MUC5AC: variants seen among roughly 807,000 people sequenced by gnomAD.
MUC5AC encodes the protein mucin 5AC, oligomeric mucus/gel-forming.
A neutral mutation model predicts 169.7 loss-of-function variants in MUC5AC; 158 were observed. The observed-to-expected ratio is 0.93, with a 90% CI of 0.82 to 1.06. The LOEUF is 1.06. Among genes scored for constraint, MUC5AC ranks in the 50% least tolerant of loss-of-function variants. The pLI is 0.00. For synonymous variants in MUC5AC, 1,975 were observed against 1,237.0 expected, an observed-to-expected ratio of 1.60 and a Z score of -12.52; for missense variants, 4,359 against 3,089.9, an observed-to-expected ratio of 1.41 and a Z score of -9.74.
At chr11:1,175,969 AACGCTCACACCCACTCATGGAC>A (rs1258055845) in intron 19 of MUC5AC, among the ~76,000 whole-genome samples, 160 bp from the exon 20 acceptor site, 1 of 111,150 alleles carries the variant, frequency 9.0e-6, no homozygotes, top group African/African-American at 3.6e-5. Flanking sequence ...CCAGTTATGC[AACGCTCACACCCACTCATGGAC>A]ACGCTCACAC....
In MUC5AC at chr11:1,192,348, T is replaced by C. The variant is rs201204807; in HGVS notation, c.14203T>C (p.Ser4735Pro). The C allele has an allele frequency of 7.3e-5, 56 of 764,948 alleles. No individual in the cohort carries two copies. Among genetic ancestry groups the C allele is most frequent in the Non-Finnish European group, 1.3e-4 (54 of 417,886 alleles). The allele number at this position is 764,948 out of a possible 1,614,324, so 47.4% of individuals were successfully genotyped here. A position where few individuals can be genotyped will look rare whatever the true frequency, so the allele number is the denominator to read the frequency against. The change falls in exon 31 of 49, where the codon TCT becomes CCT. Residue 4735 changes from serine to proline, a missense_variant. Ser to Pro is a moderately conservative substitution (Grantham distance 74). Transcript: ENST00000621226. ...CETPRGCPVT[S>P]VTPYGTSPTN... ...GACCCCCAGAGGCTGCCCGGTGACCTCTGTGACCCCATATGGGACTTCTCC... is the reference window on the plus strand; with the variant it reads ...GACCCCCAGAGGCTGCCCGGTGACCCCTGTGACCCCATATGGGACTTCTCC...
chr11:1,197,925 C>G lies in MUC5AC; in HGVS notation c.16056C>G (p.Pro5352=), dbSNP rs35915689. 0.16 allele frequency: 115,167 copies of G among 728,858 alleles called. 10,839 individuals carry two copies. The highest frequency in any genetic ancestry group is 0.19 in the Non-Finnish European group (77,864 of 401,202). The allele number at this position is 728,858 out of a possible 1,614,324, so 45.1% of individuals were successfully genotyped here. The part of the protein sequence containing the change: ...YSCACNTSRC[P]APVGCPEGAR... ...CAGCCTGCAACACCAGCCGCTGCCC[C>G]GCGCCCGTGGGCTGTCCTGAGGGCG... The change falls in exon 42 of 49, where the codon CCC becomes CCG. Residue 5352 remains proline (P), a synonymous_variant. Transcript: ENST00000621226.
At chr11:1,169,098 A>T in intron 15 of MUC5AC, 72 bp downstream of exon 15, 4 of 1,465,342 alleles carry the variant, frequency 2.7e-6, no homozygotes, top group Non-Finnish European at 3.6e-6. Flanking sequence ...TTGGCACTGC[A>T]GGCAGCGAGG....
chr11:1,190,107 G>A lies in MUC5AC; in HGVS notation c.11962G>A (p.Glu3988Lys), dbSNP rs1295246124. Reference sequence around the variant, plus strand: ...CTACAACAACATCATCAGGAGTGGGGAAAAAATCTGCCGCCGACCTGAGGA... The same window carrying A: ...CTACAACAACATCATCAGGAGTGGGAAAAAAATCTGCCGCCGACCTGAGGA... Reference protein sequence around the residue: ...ETYNNIIRSGEKICRRPEEIT... With the variant: ...ETYNNIIRSGKKICRRPEEIT... Residue 3988 changes from glutamate (E) to lysine (K), a missense_variant, in exon 31 of 49, where the codon GAA becomes AAA. By Grantham distance (56) the Glu-to-Lys change is moderately conservative. Transcript: ENST00000621226. The A allele has an allele frequency of 5.3e-5, 40 of 761,606 alleles. No individual in the cohort carries two copies. Among genetic ancestry groups the A allele is most frequent in the Non-Finnish European group, 8.4e-5 (35 of 416,214 alleles). 47.2% of individuals were successfully genotyped at this position (761,606 alleles called of 1,614,324 possible). A position where few individuals can be genotyped will look rare whatever the true frequency, so the allele number is the denominator to read the frequency against.
chr11:1,167,871 C>T lies in MUC5AC; in HGVS notation c.1387-6C>T, dbSNP rs759388155. ...GTGAGGACCCCTGGTGTGTCGTGTTCCGCAGCCCTGTGACAGCAGTGCCTT... is the reference window on the plus strand; with the variant it reads ...GTGAGGACCCCTGGTGTGTCGTGTTTCGCAGCCCTGTGACAGCAGTGCCTT... On this transcript the variant is annotated splice_region_variant and splice_polypyrimidine_tract_variant and intron_variant, in intron 11 of 48. Coordinates refer to ENST00000621226, the MANE Select transcript of MUC5AC (RefSeq NM_001304359.2). 1 of 1,549,704 alleles carries T rather than the reference C, an allele frequency of 6.5e-7. No homozygotes were observed. The highest frequency in any genetic ancestry group is 1.2e-5 in the South Asian group (1 of 84,040).
Position 1,195,129 on chromosome 11 carries a change from A to C in MUC5AC, c.15308A>C (p.His5103Pro), listed in dbSNP as rs772640686. 7 of 762,380 alleles carry C rather than the reference A, an allele frequency of 9.2e-6. No individual in the cohort carries two copies. The highest frequency in any genetic ancestry group is 1.7e-5 in the Non-Finnish European group (7 of 417,060). 47.2% of individuals were successfully genotyped at this position (762,380 alleles called of 1,614,324 possible). Residue 5103 changes from histidine (H) to proline (P), a missense_variant, in exon 36 of 49, where the codon CAC becomes CCC. His to Pro is a moderately conservative substitution (Grantham distance 77). Transcript: ENST00000621226. ...NVSIPDQPAC[H>P]RPHPTPTTVG... ...AGCATACCCGACCAGCCAGCCTGCC[A>C]CCGGCCTCACCCGACGCCCACCACG...
chr11:1,159,683 G>T (rs1171587227), intron 1 of MUC5AC, among the ~76,000 whole-genome samples: 1 of 145,466 alleles, frequency 6.9e-6, no homozygotes, highest in Admixed American at 6.7e-5. Context: ...CCACCATGCT[G>T]GTTCTGTGCG....
intron 12 of MUC5AC, 107 bp from the exon 13 acceptor site, chr11:1,168,376 T>C: frequency 9.2e-7 from 1 of 1,084,758 alleles, no homozygotes; most frequent in Non-Finnish European, 1.4e-6. Flanking sequence ...GAGCCGCAGC[T>C]GCAGGGAAAG....
chr11:1,165,861 G>T (rs1181130690), intron 11 of MUC5AC, 101 bp downstream of exon 11: 1 of 1,540,172 alleles, frequency 6.5e-7, no homozygotes. Context: ...CTGCCCCTGG[G>T]GTCACCCTTG....
intron 15 of MUC5AC, among the ~76,000 whole-genome samples, chr11:1,171,526 C>T (rs1860536009): frequency 7.2e-6 from 1 of 137,954 alleles, no homozygotes; most frequent in Non-Finnish European, 1.6e-5. Context: ...CTCACTCACC[C>T]ACTCACCCAC....
At position 1,197,472 on chromosome 11, in the gene MUC5AC, G is replaced by A. The variant is rs1234909702; in HGVS notation, c.15866G>A (p.Gly5289Asp). Residue 5289 changes from glycine to aspartate, a missense_variant, in exon 41 of 49, where the codon GGC (glycine) becomes GAC (aspartate). Physicochemically the swap from Gly to Asp is moderately conservative, Grantham distance 94 (BLOSUM62 -1). Coordinates refer to ENST00000621226, the MANE Select transcript of MUC5AC (RefSeq NM_001304359.2). Reference sequence around the variant, plus strand: ...CCTCAGTCCCCTTCCTTGCAGGTGGGCCACACCGTCGGCATGGACTGCCAG... The same window carrying A: ...CCTCAGTCCCCTTCCTTGCAGGTGGACCACACCGTCGGCATGGACTGCCAG... ...LGPHGEPVKV[G>D]HTVGMDCQEC... The A allele has an allele frequency of 2.8e-6, 2 of 710,970 alleles. No homozygotes were observed. The highest frequency in any genetic ancestry group is 2.9e-5 in the South Asian group (2 of 68,010). The allele number at this position is 710,970 out of a possible 1,614,324, so 44.0% of individuals were successfully genotyped here.
intron 31 of MUC5AC, 111 bp downstream of exon 31, chr11:1,192,636 C>T: frequency 1.4e-6 from 1 of 696,780 alleles, no homozygotes. Flanking sequence ...GTGGCACAGG[C>T]TCATTGTCAC....
intron 9 of MUC5AC, 106 bp downstream of exon 9, chr11:1,164,638 GC>G (rs1413716513): frequency 1.4e-6 from 2 of 1,424,604 alleles, no homozygotes; most frequent in Non-Finnish European, 1.8e-6. Context: ...AGTGTCCCGG[GC>G]CCCTGAGGCT....
At chr11:1,173,014 T>C (rs1860584564) in intron 16 of MUC5AC, among the ~76,000 whole-genome samples, 1 of 146,370 alleles carries the variant, frequency 6.8e-6, no homozygotes. Context: ...GTTCACCCAT[T>C]CGCCCCCCCA....
At chr11:1,167,783 T>C (rs1264009314) in intron 11 of MUC5AC, 94 bp from the exon 12 acceptor site, 5 of 1,061,730 alleles carry the variant, frequency 4.7e-6, no homozygotes, top group Non-Finnish European at 7.0e-6. Flanking sequence ...GGTTTTCTAG[T>C]GAGGGAGAGG....
intron 32 of MUC5AC, 81 bp downstream of exon 32, chr11:1,193,063 T>G (rs1341675791): frequency 4.9e-6 from 3 of 612,038 alleles, no homozygotes; most frequent in Non-Finnish European, 8.9e-6. Flanking sequence ...AGTCTTCAGC[T>G]GCAAAGTCTT....
chr11:1,165,693 C>G lies in MUC5AC; in HGVS notation c.1319C>G (p.Ala440Gly). ...GGTACCTGCTCTGTGCTTGGAGGTGCCCACTTCTCAACGTTTGACGGGAAG... is the reference window on the plus strand; with the variant it reads ...GGTACCTGCTCTGTGCTTGGAGGTGGCCACTTCTCAACGTTTGACGGGAAG... ...CPGTCSVLGG[A>G]HFSTFDGKQY... is the part of the protein sequence containing the mutation. Residue 440 changes from alanine (A) to glycine (G), a missense_variant, in exon 11 of 49, where the codon GCC (alanine) becomes GGC (glycine). By Grantham distance (60) the Ala-to-Gly change is moderately conservative. Coordinates refer to ENST00000621226, the MANE Select transcript of MUC5AC (RefSeq NM_001304359.2). 6.2e-7 allele frequency: 1 copy of G among 1,612,488 alleles called. No homozygotes were observed. The highest frequency in any genetic ancestry group is 2.2e-5 in the East Asian group (1 of 44,884).
intron 12 of MUC5AC, 42 bp downstream of exon 12, chr11:1,168,029 G>A: frequency 6.7e-7 from 1 of 1,497,660 alleles, no homozygotes; most frequent in Non-Finnish European, 9.1e-7. Flanking sequence ...AAGAGGGAAG[G>A]GGCCTGTCTC....
At position 1,165,370 on chromosome 11, in the gene MUC5AC, G is replaced by A. The variant is rs769551658; in HGVS notation, c.1198G>A (p.Gly400Arg). The A allele has an allele frequency of 4.1e-5, 66 of 1,612,330 alleles. No individual in the cohort carries two copies. Among genetic ancestry groups the A allele is most frequent in the Non-Finnish European group, 5.6e-5 (66 of 1,179,726 alleles). ...GTCAAAGTGTGCCTGCGTCTACAACGGGGCTGCCTATGCCCCAGGGGCCAC... is the reference window on the plus strand; with the variant it reads ...GTCAAAGTGTGCCTGCGTCTACAACAGGGCTGCCTATGCCCCAGGGGCCAC... ...PVSKCACVYN[G>R]AAYAPGATYS... Residue 400 changes from glycine (G) to arginine (R), a missense_variant, in exon 10 of 49, where the codon GGG becomes AGG. Gly to Arg is a moderately radical substitution (Grantham distance 125). Coordinates refer to ENST00000621226, the MANE Select transcript of MUC5AC (RefSeq NM_001304359.2).
Sources: gnomAD v4.1 joint callset for allele counts (sites outside exome capture counted in the v4.1 genomes callset) on GRCh38, gnomAD v4.1.1 for gene constraint, MANE v1.5 for transcripts, NCBI Gene and HGNC (gene_info 2026-07-23, HGNC 2026-07-21) for gene names.